Variants in NOX1 observed in about 807,000 individuals in gnomAD.
NOX1 encodes NADH/NADPH mitogenic oxidase subunit P65-MOX.
NOX1 carries 34 observed loss-of-function variants against 42.5 expected under a neutral mutation model. The ratio of observed to expected loss-of-function variants is 0.80; its 90% confidence interval spans 0.61 to 1.07. The LOEUF (loss-of-function observed/expected upper bound fraction) is 1.07, where lower values mean the gene tolerates loss of function less well. Ranked by LOEUF, NOX1 falls within the 50% of genes least tolerant of loss-of-function variation. The pLI is 0.00. For synonymous variants in NOX1, 143 were observed against 152.5 expected (o/e 0.94, Z 0.46); for missense variants, 408 against 427.0 (o/e 0.96, Z 0.39).
At chrX:100,847,309 T>C (rs1239840666) in intron 12 of NOX1, among the ~76,000 whole-genome samples, 1 of 112,049 alleles carries the variant, frequency 8.9e-6, no homozygotes, top group Non-Finnish European at 1.9e-5. Context: ...TAGACTTTTC[T>C]TCCCTCCAGC....
intron 7 of NOX1, chrX:100,856,426 T>A: frequency 2.1e-6 from 1 of 469,483 alleles, no homozygotes; most frequent in Non-Finnish European, 3.8e-6. Flanking sequence ...TTCAGTGGCG[T>A]ACACGGGCGG....
intron 7 of NOX1, chrX:100,855,857 T>C: frequency 1.7e-6 from 2 of 1,163,677 alleles, no homozygotes; most frequent in Non-Finnish European, 2.3e-6. Context: ...CTTTCCTAAC[T>C]TCACAGTTGT....
In NOX1 at chrX:100,856,300, G is replaced by A. The variant is rs1346089679; in HGVS notation, c.805-4975C>T. The A allele has an allele frequency of 6.5e-6, 5 of 773,619 alleles. No individual in the cohort carries two copies. The Admixed American group carries it at 6.8e-5, about 10-fold the overall frequency. The allele number at this position is 773,619 out of a possible 1,213,427, so 63.8% of individuals were successfully genotyped here. ...ACTCATAATGGCTCCTCAGGCTCTC[G>A]TCAGTTGTTTCAAAGCTCAAATCTC... On this transcript the variant is annotated intron_variant, in intron 7 of 12. Transcript: ENST00000372966.
At chrX:100,847,092 G>A (rs1398397935) in intron 12 of NOX1, among the ~76,000 whole-genome samples, 1 of 112,057 alleles carries the variant, frequency 8.9e-6, no homozygotes, top group Non-Finnish European at 1.9e-5. Context: ...GGGAGGCTGA[G>A]GCAGGAGAAC....
intron 2 of NOX1, 139 bp from the exon 3 acceptor site, chrX:100,863,734 C>T: frequency 1.0e-6 from 1 of 976,930 alleles, no homozygotes; most frequent in Non-Finnish European, 1.4e-6. Flanking sequence ...GTAGCTAACA[C>T]CATCAGGCCA....
intron 4 of NOX1, 145 bp from the exon 5 acceptor site, chrX:100,862,965 G>GGA (rs1343296712): frequency 1.6e-6 from 1 of 629,952 alleles, no homozygotes; most frequent in Non-Finnish European, 2.5e-6. Context: ...CCTCGATTGC[G>GGA]GAGAGATCTT....
intron 7 of NOX1, among the ~76,000 whole-genome samples, chrX:100,853,276 T>TTC (rs1491102219): frequency 9.0e-5 from 6 of 66,360 alleles, no homozygotes; most frequent in African/African-American, 3.2e-4. Context: ...CTTTCTTTCT[T>TTC]TCTTTCTTTC....
At chrX:100,866,488 C>CTGTG (rs36112590) in intron 2 of NOX1, among the ~76,000 whole-genome samples, 5,150 of 96,619 alleles carry the variant, frequency 0.053, 113 homozygotes, top group East Asian at 0.11. Flanking sequence ...GTGTGTGTCC[C>CTGTG]TGTGTGTGTG....
rs1347307905 is a variant in NOX1, at chrX:100,863,542, C to T, written c.195G>A (p.Thr65=). Residue 65 remains threonine, a synonymous_variant, in exon 3 of 13, where the codon ACG becomes ACA. Coordinates refer to ENST00000372966, the MANE Select transcript of NOX1 (RefSeq NM_007052.5). ...ASALCLNFNS[T]LILLPVCRNL... is the part of the protein sequence containing the mutation. ...TGCGACACACAGGAAGCAGGATCAG[C>T]GTGCTGTTAAAATTCAAGCAGAGAG... The T allele has an allele frequency of 3.3e-6, 4 of 1,210,841 alleles. No homozygotes were observed. The highest frequency in any genetic ancestry group is 2.2e-5 in the Admixed American group (1 of 45,866).
intron 7 of NOX1, among the ~76,000 whole-genome samples, chrX:100,854,677 G>T (rs188816879): frequency 1.5e-3 from 171 of 111,592 alleles, no homozygotes; most frequent in Admixed American, 3.1e-3. Flanking sequence ...ATTATTCAAC[G>T]TAGATATATT....
intron 2 of NOX1, among the ~76,000 whole-genome samples, chrX:100,870,448 T>G (rs2085267114): frequency 9.0e-6 from 1 of 111,593 alleles, no homozygotes; most frequent in Non-Finnish European, 1.9e-5. Context: ...TCAGATTTAT[T>G]TAATAAAAAT....
rs1569445625 is a variant in NOX1 at position 100,853,304 on chromosome X, T to TTCTCTTTC, written c.805-1980_805-1979insGAAAGAGA. Among the ~76,000 whole-genome samples the TTCTCTTTC allele has an allele frequency of 5.1e-5, 4 of 78,386 alleles. No homozygotes were observed. The East Asian group carries it at 1.4e-3, about 28-fold the overall frequency. The allele number at this position is 78,386 out of a possible 115,157, so 68.1% of individuals were successfully genotyped here. On this transcript the variant is annotated intron_variant, in intron 7 of 12. Coordinates refer to ENST00000372966, the MANE Select transcript of NOX1 (RefSeq NM_007052.5). Reference sequence around the variant, plus strand: ...TTTCTTTCTTTCTTTCTTTCTTTCTTTCTTTCTTTCTTTCTTTCTCTCTCT... The same window carrying TTCTCTTTC: ...TTTCTTTCTTTCTTTCTTTCTTTCTTTCTCTTTCTCTTTCTTTCTTTCTTTCTCTCTCT...
rs1419558043 is a variant in NOX1 at position 100,850,194 on chromosome X, T to A, written c.1090A>T (p.Asn364Tyr). 1 of 1,210,089 alleles carries A rather than the reference T, an allele frequency of 8.3e-7. No homozygotes were observed. Among genetic ancestry groups the A allele is most frequent in the Non-Finnish European group, 1.1e-6 (1 of 895,148 alleles). ...HIRAAGDWTE[N>Y]LIRAFEQQYS... is the part of the protein sequence containing the mutation. ...TGTTGTTCGAAAGCCCTTATGAGATTTTCTGTCCAGTCCCCTGCTGCTCGG... is the reference window on the plus strand; with the variant it reads ...TGTTGTTCGAAAGCCCTTATGAGATATTCTGTCCAGTCCCCTGCTGCTCGG... Residue 364 changes from asparagine (N) to tyrosine (Y), a missense_variant, in exon 9 of 13, where the codon AAT becomes TAT. Transcript: ENST00000372966.
intron 7 of NOX1, among the ~76,000 whole-genome samples, chrX:100,853,870 C>T (rs1428113709): frequency 2.8e-5 from 3 of 108,720 alleles, no homozygotes; most frequent in Non-Finnish European, 3.8e-5. Flanking sequence ...AGGCCGGGTG[C>T]GGTGGCTCAC....
chrX:100,847,515 A>C (rs1569443758), intron 12 of NOX1, among the ~76,000 whole-genome samples: 2 of 110,448 alleles, frequency 1.8e-5, no homozygotes, highest in Non-Finnish European at 3.8e-5. Flanking sequence ...CTGTAATCTC[A>C]GCACTTTTGG....
rs1386523850 is a variant in NOX1, at chrX:100,874,345, C to G, written c.-206G>C. 2.8e-6 allele frequency: 1 copy of G among 354,511 alleles called. No individual in the cohort carries two copies. The allele number at this position is 354,511 out of a possible 1,213,427, so 29.2% of individuals were successfully genotyped here. A position where few individuals can be genotyped will look rare whatever the true frequency, so the allele number is the denominator to read the frequency against. On this transcript the variant is annotated 5_prime_UTR_variant, in exon 1 of 13. Coordinates refer to ENST00000372966, the MANE Select transcript of NOX1 (RefSeq NM_007052.5). ...TCTCTGGACAGAACTGTGCTATCAG[C>G]TTAGATAGACCAGCCCTATCTATGA...
At chrX:100,847,262 C>A (rs2085080118) in intron 12 of NOX1, among the ~76,000 whole-genome samples, 1 of 111,655 alleles carries the variant, frequency 9.0e-6, no homozygotes, top group African/African-American at 3.3e-5. Context: ...CTAGCCACTG[C>A]CTTCCTGAAG....
intron 2 of NOX1, 87 bp from the exon 3 acceptor site, chrX:100,863,682 C>G: frequency 9.0e-7 from 1 of 1,117,102 alleles, no homozygotes; most frequent in Middle Eastern, 2.5e-4. Context: ...TCATCTGAGG[C>G]CTGCAAATGA....
chrX:100,872,693 C>T lies in NOX1; in HGVS notation c.45+1402G>A, dbSNP rs12838901. On this transcript the variant is annotated intron_variant, in intron 1 of 12. Transcript: ENST00000372966. ...ATGCAGGTAAATGTGGATTTTAGAG[C>T]TAGAAACACCCTTATATTTGTATCT... 3.6e-5 allele frequency among the ~76,000 whole-genome samples: 4 copies of T among 109,701 alleles called. No homozygotes were observed. The East Asian group carries it at 1.2e-3, about 32-fold the overall frequency.
Sources: gnomAD v4.1 joint callset for allele counts (sites outside exome capture counted in the v4.1 genomes callset) on GRCh38, gnomAD v4.1.1 for gene constraint, MANE v1.5 for transcripts, NCBI Gene and HGNC (gene_info 2026-07-23, HGNC 2026-07-21) for gene names.